DZIP1L: variants seen among roughly 807,000 people sequenced by gnomAD.
DZIP1L encodes the protein cilium assembly protein DZIP1L.
DZIP1L carries 90 observed loss-of-function variants against 88.7 expected under a neutral mutation model. That is an observed-to-expected ratio of 1.02 (90% CI 0.86 to 1.21). The LOEUF is 1.21. DZIP1L is among the 50% of genes most tolerant of loss of function. The pLI is 0.00. For missense variants in DZIP1L, 932 were observed against 955.8 expected (o/e 0.98, Z 0.33); for synonymous variants, 363 against 372.1 (o/e 0.98, Z 0.28).
chr3:138,103,938 T>G lies in DZIP1L; in HGVS notation c.34A>C (p.Ser12Arg), dbSNP rs146109164. 652 of 1,613,036 alleles carry G rather than the reference T, an allele frequency of 4.0e-4. No homozygotes were observed. The highest frequency in any genetic ancestry group is 5.2e-4 in the Non-Finnish European group (610 of 1,180,006). ...GTGTAGGCCCCAAAGAGGGGGCCAC[T>G]GAGGCCCTCAGCAGTGGCAGCTGGG... ...QSPAATAEGL[S>R]GPLFGAYTFP... The change falls in exon 2 of 16, where the codon AGT becomes CGT. Residue 12 changes from serine to arginine, a missense_variant. Physicochemically the swap from Ser to Arg is moderately radical, Grantham distance 110. Coordinates refer to ENST00000327532, the MANE Select transcript of DZIP1L (RefSeq NM_173543.3).
At chr3:138,074,174 A>T (rs1210575155) in intron 11 of DZIP1L, among the ~76,000 whole-genome samples, 1 of 152,220 alleles carries the variant, frequency 6.6e-6, no homozygotes, top group Non-Finnish European at 1.5e-5. Context: ...GCCTTACTAG[A>T]GACCTAGGCA....
At chr3:138,068,828 G>C (rs955341584) in intron 12 of DZIP1L, among the ~76,000 whole-genome samples, 2 of 152,150 alleles carry the variant, frequency 1.3e-5, no homozygotes, top group African/African-American at 4.8e-5. Flanking sequence ...ATGCAGTCTG[G>C]GGCAAGGCAG....
Position 138,062,121 on chromosome 3 carries a change from G to A in DZIP1L, c.*695C>T, listed in dbSNP as rs1942738128. The A allele has an allele frequency of 6.6e-6, 1 of 152,488 alleles. No homozygotes were observed. The highest frequency in any genetic ancestry group is 1.5e-5 in the Non-Finnish European group (1 of 68,024). 9.4% of individuals were successfully genotyped at this position (152,488 alleles called of 1,614,324 possible). ...CAAAAATTACACGTGTGGTCCTTTG[G>A]GGATACAAGGTCCAGCCAAGTGGCC... On this transcript the variant is annotated 3_prime_UTR_variant, in exon 16 of 16. Transcript: ENST00000327532.
chr3:138,094,820 TCCATGAC>T (rs1255220797), intron 4 of DZIP1L, 35 bp downstream of exon 4: 2 of 1,612,814 alleles, frequency 1.2e-6, no homozygotes, highest in Non-Finnish European at 8.5e-7. Context: ...TCCTGGGTAG[TCCATGAC>T]CCAAGTCTCC....
At chr3:138,105,973 C>G (rs16847862) in intron 1 of DZIP1L, among the ~76,000 whole-genome samples, 4,418 of 152,076 alleles carry the variant, frequency 0.029, 229 homozygotes, top group African/African-American at 0.1. Flanking sequence ...ACTATTCAAA[C>G]TTCTTATCAT....
chr3:138,092,213 A>T (rs1944268796), intron 5 of DZIP1L, 170 bp downstream of exon 5: 4 of 656,996 alleles, frequency 6.1e-6, no homozygotes, highest in Non-Finnish European at 9.2e-6. Context: ...GCAGTGATTC[A>T]ACCCCAAGGC....
intron 12 of DZIP1L, 113 bp downstream of exon 12, chr3:138,071,530 G>C (rs1215547696): frequency 8.1e-7 from 1 of 1,236,114 alleles, no homozygotes; most frequent in Non-Finnish European, 1.1e-6. Context: ...GCCCTTCAGA[G>C]AAGTGCCCCT....
At chr3:138,109,623 G>A (rs1475480263) in intron 1 of DZIP1L, among the ~76,000 whole-genome samples, 5 of 152,138 alleles carry the variant, frequency 3.3e-5, no homozygotes, top group Admixed American at 6.5e-5. Flanking sequence ...GTACCCAAAG[G>A]ATTATAAATC....
intron 2 of DZIP1L, among the ~76,000 whole-genome samples, chr3:138,100,030 C>T (rs934415648): frequency 6.9e-6 from 1 of 144,202 alleles, no homozygotes; most frequent in African/African-American, 2.5e-5. Flanking sequence ...AACCCCCATC[C>T]TTTTTTTTTT....
At chr3:138,065,646 C>CT (rs1262766154) in intron 14 of DZIP1L, among the ~76,000 whole-genome samples, 1 of 152,258 alleles carries the variant, frequency 6.6e-6, no homozygotes, top group East Asian at 1.9e-4. Context: ...TTCTGATGGA[C>CT]TGGCAGGCTT....
chr3:138,108,062 C>A (rs1385323023), intron 1 of DZIP1L: 3 of 235,484 alleles, frequency 1.3e-5, no homozygotes, highest in African/African-American at 4.7e-5. Flanking sequence ...CGGCTCACTG[C>A]AAGCTCTGCC....
At chr3:138,083,867 A>T (rs1251507403) in intron 8 of DZIP1L, among the ~76,000 whole-genome samples, 1 of 152,170 alleles carries the variant, frequency 6.6e-6, no homozygotes, top group African/African-American at 2.4e-5. Context: ...AGCGTTTTAT[A>T]TGGTCTCTGC....
At chr3:138,091,489 A>G (rs1289394189) in intron 5 of DZIP1L, among the ~76,000 whole-genome samples, 1 of 151,654 alleles carries the variant, frequency 6.6e-6, no homozygotes, top group African/African-American at 2.4e-5. Context: ...ACGGTGGCAC[A>G]CGCCTGTAAT....
rs997059929 is a variant in DZIP1L at position 138,062,503 on chromosome 3, G to C, written c.*313C>G. 3.0e-5 allele frequency: 8 copies of C among 263,570 alleles called. No individual in the cohort carries two copies. The highest frequency in any genetic ancestry group is 4.4e-5 in the Non-Finnish European group (6 of 136,994). 16.3% of individuals were successfully genotyped at this position (263,570 alleles called of 1,614,324 possible). A position where few individuals can be genotyped will look rare whatever the true frequency, so the allele number is the denominator to read the frequency against. On this transcript the variant is annotated 3_prime_UTR_variant, in exon 16 of 16. Coordinates refer to ENST00000327532, the MANE Select transcript of DZIP1L (RefSeq NM_173543.3). ...GTTTTATAAAAGGCTTGGGAAAAGA[G>C]AGTTAGTGACTCTTTTCAGTCTTGG... is the stretch of plus-strand genomic sequence containing the variant.
At chr3:138,076,587 G>T (rs752905983) in intron 11 of DZIP1L, among the ~76,000 whole-genome samples, 2 of 152,138 alleles carry the variant, frequency 1.3e-5, no homozygotes, top group African/African-American at 4.8e-5. Context: ...GCCCTAAAAA[G>T]GAACAAAATG....
chr3:138,086,252 T>C (rs923941185), intron 7 of DZIP1L, among the ~76,000 whole-genome samples: 2 of 148,498 alleles, frequency 1.3e-5, no homozygotes, highest in African/African-American at 2.5e-5. Flanking sequence ...AAACTTAAAG[T>C]ATAATAATAA....
rs1024748227 is a variant in DZIP1L at position 138,103,801 on chromosome 3, C to T, written c.171G>A (p.Glu57=). The change falls in exon 2 of 16, where the codon GAG becomes GAA. Residue 57 remains glutamate (E), a synonymous_variant. Transcript: ENST00000327532. ...TGCAGAAGGTGATGCCAGCAATATT[C>T]TCCTGCAGAGTGGCCACATCCAGTT... The part of the protein sequence containing the change: ...ARELDVATLQ[E]NIAGITFCNL... The T allele has an allele frequency of 4.3e-6, 7 of 1,614,202 alleles. No homozygotes were observed. The highest frequency in any genetic ancestry group is 5.9e-6 in the Non-Finnish European group (7 of 1,180,054).
At position 138,084,248 on chromosome 3, in the gene DZIP1L, C is replaced by T. The variant is rs1433571242; in HGVS notation, c.1068G>A (p.Gln356=). The change falls in exon 8 of 16, where the codon CAG becomes CAA. Residue 356 remains glutamine, a synonymous_variant. Transcript: ENST00000327532. ...AGGCCTGGAGCCTCTGGTTCTCCTC[C>T]TGTAGCTGGCAGGCACAAGATGGCT... ...EEHMAEKKEL[Q]EENQRLQASL... 1 of 1,613,410 alleles carries T rather than the reference C, an allele frequency of 6.2e-7. No individual in the cohort carries two copies. The highest frequency in any genetic ancestry group is 1.7e-5 in the Admixed American group (1 of 59,896).
chr3:138,096,827 T>C (rs1944494352), intron 3 of DZIP1L, among the ~76,000 whole-genome samples: 1 of 152,188 alleles, frequency 6.6e-6, no homozygotes, highest in African/African-American at 2.4e-5. Context: ...AAGTTTTACT[T>C]AATGGCATTT....
Sources: allele counts gnomAD v4.1 joint callset (sites outside exome capture counted in the v4.1 genomes callset), GRCh38; gene constraint gnomAD v4.1.1; transcripts MANE v1.5; gene names NCBI Gene and HGNC (gene_info 2026-07-23, HGNC 2026-07-21).